Variants in PEF1 observed in about 807,000 individuals in gnomAD.
PEF1 encodes the protein penta-EF-hand domain containing 1.
In PEF1, 17 loss-of-function variants were observed where a neutral mutation model predicts 32.0. That is an observed-to-expected ratio of 0.53 (90% CI 0.36 to 0.80). The LOEUF is 0.80. Among genes scored for constraint, PEF1 ranks in the 30% least tolerant of loss-of-function variants. The pLI, the probability that PEF1 is intolerant of heterozygous loss-of-function variation, is 0.00. For synonymous variants in PEF1, 130 were observed against 139.8 expected (o/e 0.93, Z 0.50); for missense variants, 362 against 369.1 (o/e 0.98, Z 0.16).
In PEF1 at chr1:31,635,508, A is replaced by G; in HGVS notation, c.39T>C (p.Ala13=). 6.6e-7 allele frequency: 1 copy of G among 1,515,930 alleles called. No homozygotes were observed. The highest frequency in any genetic ancestry group is 8.8e-7 in the Non-Finnish European group (1 of 1,132,370). 93.9% of individuals were successfully genotyped at this position (1,515,930 alleles called of 1,614,324 possible). Reference sequence around the variant, plus strand: ...GAGGGGCTCCTGGTGCTTGTCCTGCAGCTCCTGGGCAGCCCTGCAGGAAGA... The same window carrying G: ...GAGGGGCTCCTGGTGCTTGTCCTGCGGCTCCTGGGCAGCCCTGCAGGAAGA... ...SYPYRQGCPG[A]AGQAPGAPPG... Residue 13 remains alanine, a synonymous_variant, in exon 2 of 5, where the codon GCT becomes GCC. Coordinates refer to ENST00000373703, the MANE Select transcript of PEF1 (RefSeq NM_012392.4).
chr1:31,636,380 G>A (rs932920515), intron 1 of PEF1, among the ~76,000 whole-genome samples: 2 of 152,202 alleles, frequency 1.3e-5, no homozygotes, highest in Non-Finnish European at 2.9e-5. Flanking sequence ...GGAGGCTAAG[G>A]TGGGAGGATC....
In PEF1 at chr1:31,635,247, G is replaced by C. The variant is rs758577350; in HGVS notation, c.300C>G (p.Ala100=). The part of the protein sequence containing the change: ...YGQPPPSSYG[A]QQPGLYGQGG... ...CCTGTCCATAAAGCCCAGGCTGCTGGGCACCGTAGGAACTTGGAGGTGGCT... is the reference window on the plus strand; with the variant it reads ...CCTGTCCATAAAGCCCAGGCTGCTGCGCACCGTAGGAACTTGGAGGTGGCT... Residue 100 remains alanine (A), a synonymous_variant, in exon 2 of 5, where the codon GCC becomes GCG. Coordinates refer to ENST00000373703, the MANE Select transcript of PEF1 (RefSeq NM_012392.4). The C allele has an allele frequency of 6.2e-7, 1 of 1,614,112 alleles. No homozygotes were observed. Among genetic ancestry groups the C allele is most frequent in the East Asian group, 2.2e-5 (1 of 44,862 alleles).
At chr1:31,637,475 C>T (rs370815283) in intron 1 of PEF1, among the ~76,000 whole-genome samples, 1 of 151,910 alleles carries the variant, frequency 6.6e-6, no homozygotes, top group African/African-American at 2.4e-5. Flanking sequence ...TAAGATCCCA[C>T]CTCTACAAAA....
rs1640068387 is a variant in PEF1 at position 31,630,616 on chromosome 1, T to C, written c.852A>G (p.Leu284=). The C allele has an allele frequency of 3.1e-6, 5 of 1,612,124 alleles. 1 individual carries two copies. The South Asian group carries it at 4.4e-5, about 14-fold the overall frequency. Residue 284 remains leucine, a synonymous_variant, in exon 5 of 5, where the codon CTA becomes CTG. Transcript: ENST00000373703. ...CCACTCTCCACAGATGGTTGGGTCA[T>C]AGCATCCGAGAAGCTGTCATGGTGA... ...DFVTMTASRM[L]
At chr1:31,644,304 CTG>C (rs1209125097) in intron 1 of PEF1, 1 of 933,652 alleles carries the variant, frequency 1.1e-6, no homozygotes, top group African/African-American at 1.8e-5. Flanking sequence ...CAGGTAAGTT[CTG>C]TGTCTTCTCG....
At chr1:31,644,562 C>A in intron 1 of PEF1, 1 of 1,406,076 alleles carries the variant, frequency 7.1e-7, no homozygotes, top group Non-Finnish European at 9.2e-7. Flanking sequence ...CTGTGGAGCC[C>A]AGGCCAGCGC....
rs1557584936 is a variant in PEF1 at position 31,633,158 on chromosome 1, C to T, written c.481+1G>A. 1 of 1,612,808 alleles carries T rather than the reference C, an allele frequency of 6.2e-7. No homozygotes were observed. Among genetic ancestry groups the T allele is most frequent in the Admixed American group, 1.7e-5 (1 of 59,920 alleles). On this transcript the variant is annotated splice_donor_variant, in intron 3 of 4. Coordinates refer to ENST00000373703, the MANE Select transcript of PEF1 (RefSeq NM_012392.4). LOFTEE classifies it high-confidence loss of function. ...GGCCCAAGGGCAAGGCGGAGACTCA[C>T]TTATCATCATGAGGCAGGTCTCATC...
rs1451659868 is a variant in PEF1, at chr1:31,630,440, T to C, written c.*173A>G. On this transcript the variant is annotated 3_prime_UTR_variant, in exon 5 of 5. Transcript: ENST00000373703. The stretch of plus-strand genomic sequence containing the variant: ...GTGTGGCCTCAGCCCCGGTCCTCAC[T>C]ATTTGGTGGCTATGATGCAGGACTC... The C allele has an allele frequency of 2.9e-6, 2 of 689,096 alleles. No individual in the cohort carries two copies. Among genetic ancestry groups the C allele is most frequent in the African/African-American group, 1.8e-5 (1 of 55,928 alleles). The allele number at this position is 689,096 out of a possible 1,614,324, so 42.7% of individuals were successfully genotyped here. A position where few individuals can be genotyped will look rare whatever the true frequency, so the allele number is the denominator to read the frequency against.
intron 4 of PEF1, among the ~76,000 whole-genome samples, chr1:31,631,466 C>T (rs1640101507): frequency 6.6e-6 from 1 of 152,180 alleles, no homozygotes; most frequent in Non-Finnish European, 1.5e-5. Context: ...CACTGGGATG[C>T]TTCCTTCCTT....
rs561566387 is a variant in PEF1 at position 31,636,403 on chromosome 1, G to C, written c.25-881C>G. ...AGGTGGGAGGATCACCTGAGCCTGG[G>C]GAGGTCGAGGCTACAGTGAGCCATG... is the stretch of plus-strand genomic sequence containing the variant. On this transcript the variant is annotated intron_variant, in intron 1 of 4. Coordinates refer to ENST00000373703, the MANE Select transcript of PEF1 (RefSeq NM_012392.4). Among the ~76,000 whole-genome samples the C allele has an allele frequency of 6.2e-4, 94 of 152,244 alleles. 2 individuals carry two copies. Among genetic ancestry groups the C allele is most frequent in the African/African-American group, 2.2e-3 (92 of 41,538 alleles).
chr1:31,632,714 G>C lies in PEF1; in HGVS notation c.482-76C>G. 4 of 1,522,644 alleles carry C rather than the reference G, an allele frequency of 2.6e-6. No individual in the cohort carries two copies. In the South Asian group the frequency reaches 3.7e-5, roughly 14 times the overall value. 94.3% of individuals were successfully genotyped at this position (1,522,644 alleles called of 1,614,324 possible). A position where few individuals can be genotyped will look rare whatever the true frequency, so the allele number is the denominator to read the frequency against. ...AAGGGTCCCCCTCAGGACCCATTGAGGCAGCCCTTCTCTCCAGGCTGGAGT... is the reference window on the plus strand; with the variant it reads ...AAGGGTCCCCCTCAGGACCCATTGACGCAGCCCTTCTCTCCAGGCTGGAGT... On this transcript the variant is annotated intron_variant, in intron 3 of 4. Transcript: ENST00000373703.
chr1:31,632,804 G>A (rs77538969), intron 3 of PEF1, among the ~76,000 whole-genome samples, 166 bp from the exon 4 acceptor site: 2,502 of 152,230 alleles, frequency 0.016, 84 homozygotes, highest in Admixed American at 0.074. Flanking sequence ...CACATCAAGC[G>A]TTGCACCGTC....
intron 4 of PEF1, 110 bp from the exon 5 acceptor site, chr1:31,630,952 C>A: frequency 1.1e-6 from 1 of 898,092 alleles, no homozygotes; most frequent in Non-Finnish European, 1.7e-6. Context: ...AGGATGGGCA[C>A]AGAAGCACAA....
chr1:31,642,909 C>G (rs1451359558), intron 1 of PEF1, among the ~76,000 whole-genome samples: 1 of 152,236 alleles, frequency 6.6e-6, no homozygotes, highest in Non-Finnish European at 1.5e-5. Context: ...GGGTATATAA[C>G]TATTAAGTAA....
At chr1:31,640,694 T>C (rs1476728003) in intron 1 of PEF1, among the ~76,000 whole-genome samples, 1 of 152,146 alleles carries the variant, frequency 6.6e-6, no homozygotes, top group Non-Finnish European at 1.5e-5. Flanking sequence ...ACCTGGAATC[T>C]CTACCTGCAC....
intron 1 of PEF1, among the ~76,000 whole-genome samples, chr1:31,637,786 T>C (rs1346030333): frequency 3.3e-5 from 5 of 152,086 alleles, no homozygotes; most frequent in African/African-American, 9.7e-5. Context: ...CCTCCCTTGC[T>C]ACATTCTGAG....
intron 1 of PEF1, among the ~76,000 whole-genome samples, chr1:31,642,120 C>T (rs192052714): frequency 6.6e-6 from 1 of 152,302 alleles, no homozygotes; most frequent in African/African-American, 2.4e-5. Flanking sequence ...GTAATTCCAG[C>T]TACTTGGGAG....
chr1:31,641,371 T>G (rs1251483109), intron 1 of PEF1, among the ~76,000 whole-genome samples: 1 of 152,098 alleles, frequency 6.6e-6, no homozygotes, highest in Non-Finnish European at 1.5e-5. Flanking sequence ...CTTCAATCCA[T>G]TCTCACAGCA....
At chr1:31,644,008 G>A (rs1640476370) in intron 1 of PEF1, 4 of 152,196 alleles carry the variant, frequency 2.6e-5, no homozygotes, top group Admixed American at 2.6e-4. Context: ...GCTTTATGAG[G>A]CAGATCCTAT....
Sources: gnomAD v4.1 joint callset for allele counts (sites outside exome capture counted in the v4.1 genomes callset) on GRCh38, gnomAD v4.1.1 for gene constraint, MANE v1.5 for transcripts, NCBI Gene and HGNC (gene_info 2026-07-23, HGNC 2026-07-21) for gene names.